Variants in TTC7A observed in about 807,000 individuals in gnomAD.
TTC7A encodes the protein tetratricopeptide repeat protein 7A.
Under a neutral mutation model 103.7 loss-of-function variants are expected in TTC7A, and 110 were observed. That is an observed-to-expected ratio of 1.06 (90% confidence interval 0.91 to 1.24). TTC7A has a LOEUF of 1.24. TTC7A is among the 50% of genes most tolerant of loss of function. The probability of loss-of-function intolerance (pLI) is 0.00; values close to 1 mark genes in which losing one functional copy is unlikely to be tolerated. For missense variants in TTC7A, 1,340 were observed against 1,116.3 expected, an observed-to-expected ratio of 1.20 and a Z score of -2.86; for synonymous variants, 521 against 467.9, an observed-to-expected ratio of 1.11 and a Z score of -1.47.
intron 1 of TTC7A, among the ~76,000 whole-genome samples, chr2:46,942,254 A>G (rs1191340783): frequency 6.6e-6 from 1 of 151,912 alleles, no homozygotes; most frequent in African/African-American, 2.4e-5. Flanking sequence ...CTCGGGACAC[A>G]TCCAGCTCTA....
At chr2:46,981,199 CG>C (rs1463415293) in intron 5 of TTC7A, among the ~76,000 whole-genome samples, 1 of 151,886 alleles carries the variant, frequency 6.6e-6, no homozygotes, top group Non-Finnish European at 1.5e-5. Context: ...ATACATCTTT[CG>C]TGTTTTTCTA....
chr2:47,054,125 T>A, intron 18 of TTC7A: 1 of 985,426 alleles, frequency 1.0e-6, no homozygotes, highest in Non-Finnish European at 1.2e-6. Context: ...GAGAACAGCA[T>A]CTGAATGCTT....
chr2:47,026,592 A>G (rs1266342141), intron 14 of TTC7A, among the ~76,000 whole-genome samples: 2 of 152,204 alleles, frequency 1.3e-5, no homozygotes, highest in Non-Finnish European at 2.9e-5. Flanking sequence ...TGGAACGCTG[A>G]CATGGAGTCA....
At chr2:47,031,544 G>A (rs1428275796) in intron 15 of TTC7A, among the ~76,000 whole-genome samples, 1 of 152,164 alleles carries the variant, frequency 6.6e-6, no homozygotes, top group Admixed American at 6.5e-5. Context: ...GTCCACCCTG[G>A]GTCTGTGGAG....
chr2:47,026,028 CATCCTCCTAG>C (rs1679876342), intron 14 of TTC7A, among the ~76,000 whole-genome samples: 1 of 152,234 alleles, frequency 6.6e-6, no homozygotes, highest in Non-Finnish European at 1.5e-5. Context: ...GAATAGCATC[CATCCTCCTAG>C]AGAGATGGCG....
At chr2:47,024,990 C>T (rs1409534648) in intron 14 of TTC7A, among the ~76,000 whole-genome samples, 3 of 152,156 alleles carry the variant, frequency 2.0e-5, no homozygotes, top group Non-Finnish European at 2.9e-5. Flanking sequence ...TGCAGGCTGG[C>T]GCTCTGGGCA....
At chr2:46,952,056 G>C (rs1671464428) in intron 2 of TTC7A, among the ~76,000 whole-genome samples, 2 of 152,192 alleles carry the variant, frequency 1.3e-5, no homozygotes. Context: ...GTACTTTGGG[G>C]CTAGTAAGGG....
Position 46,975,024 on chromosome 2 carries a change from C to T in TTC7A, c.569C>T (p.Thr190Ile), listed in dbSNP as rs761142818. The change falls in exon 4 of 20, where the codon ACA becomes ATA. Residue 190 changes from threonine (T) to isoleucine (I), a missense_variant. Coordinates refer to ENST00000319190, the MANE Select transcript of TTC7A (RefSeq NM_020458.4). ...TCCATCGCCTCCCGCTTCCGCCTGA[C>T]AGAGAGGGAGGAGGAAGTGATCACC... ...PNSIASRFRL[T>I]EREEEVITCF... 118 of 1,613,982 alleles carry T rather than the reference C, an allele frequency of 7.3e-5. No homozygotes were observed. The highest frequency in any genetic ancestry group is 9.9e-5 in the Non-Finnish European group (117 of 1,179,994).
chr2:46,959,810 C>G (rs1423743328), intron 3 of TTC7A, among the ~76,000 whole-genome samples: 1 of 152,156 alleles, frequency 6.6e-6, no homozygotes, highest in South Asian at 2.1e-4. Flanking sequence ...GGGGCAGTTG[C>G]AGCAGTCTTG....
chr2:47,041,466 T>C (rs1681742100), intron 15 of TTC7A, among the ~76,000 whole-genome samples: 1 of 152,146 alleles, frequency 6.6e-6, no homozygotes, highest in Non-Finnish European at 1.5e-5. Flanking sequence ...TAAAAATGCT[T>C]GATACGCCAG....
chr2:46,992,460 G>A (rs1572841110), intron 5 of TTC7A, among the ~76,000 whole-genome samples: 1 of 152,214 alleles, frequency 6.6e-6, no homozygotes, highest in Non-Finnish European at 1.5e-5. Context: ...GTAAGGCAGT[G>A]GAAGAAGCCA....
At chr2:47,046,261 G>A in intron 15 of TTC7A, 54 bp from the exon 16 acceptor site, 2 of 1,436,378 alleles carry the variant, frequency 1.4e-6, no homozygotes, top group Non-Finnish European at 2.0e-6. Context: ...AGGATCCCCA[G>A]GTGAAAGTGG....
At chr2:47,035,261 G>C (rs144398988) in intron 15 of TTC7A, 2 of 152,298 alleles carry the variant, frequency 1.3e-5, no homozygotes, top group Admixed American at 1.3e-4. Context: ...CCAGTGAGGG[G>C]GTGGAATCAA....
At chr2:47,038,980 G>A (rs1440540436) in intron 15 of TTC7A, among the ~76,000 whole-genome samples, 4 of 152,162 alleles carry the variant, frequency 2.6e-5, no homozygotes, top group Admixed American at 6.5e-5. Flanking sequence ...AGGAAGACAG[G>A]TCTGACAACA....
chr2:47,002,751 C>T lies in TTC7A; in HGVS notation c.1066-3171C>T, dbSNP rs1241391879. On this transcript the variant is annotated intron_variant, in intron 8 of 19. Coordinates refer to ENST00000319190, the MANE Select transcript of TTC7A (RefSeq NM_020458.4). ...CTTTTCTCTGTCCCATTTCCCCCTA[C>T]CCCTCCCTGTTGCCATGGTTACACA... 3.9e-5 allele frequency among the ~76,000 whole-genome samples: 6 copies of T among 152,272 alleles called. No homozygotes were observed. In the East Asian group the frequency reaches 9.7e-4, roughly 25 times the overall value.
intron 14 of TTC7A, among the ~76,000 whole-genome samples, chr2:47,028,763 C>G (rs1046288222): frequency 7.2e-5 from 11 of 152,148 alleles, no homozygotes; most frequent in Admixed American, 7.2e-4. Flanking sequence ...CCACTGTGCC[C>G]ACATTAGAGG....
intron 12 of TTC7A, among the ~76,000 whole-genome samples, chr2:47,023,078 A>G (rs1679472667): frequency 6.6e-6 from 1 of 152,244 alleles, no homozygotes; most frequent in African/African-American, 2.4e-5. Context: ...CTAGGAAGGT[A>G]TGTGGCCAGG....
intron 15 of TTC7A, among the ~76,000 whole-genome samples, chr2:47,038,258 CA>C (rs60342421): frequency 0.54 from 68,925 of 128,182 alleles, 18,044 homozygotes; most frequent in African/African-American, 0.71. Flanking sequence ...GACTCCATCT[CA>C]AAAAAAAAAA....
chr2:47,035,241 T>A (rs1680978154), intron 15 of TTC7A: 1 of 152,218 alleles, frequency 6.6e-6, no homozygotes, highest in South Asian at 2.1e-4. Flanking sequence ...ATGCTTAGCA[T>A]ACCAACACTC....
Sources: allele counts gnomAD v4.1 joint callset (sites outside exome capture counted in the v4.1 genomes callset), GRCh38; gene constraint gnomAD v4.1.1; transcripts MANE v1.5; gene names NCBI Gene and HGNC (gene_info 2026-07-23, HGNC 2026-07-21).